BMERB1: variants seen among roughly 807,000 people sequenced by gnomAD.
The protein encoded by BMERB1 is bMERB domain containing 1, also known as bMERB domain-containing protein 1.
Under a neutral mutation model 23.6 loss-of-function variants are expected in BMERB1, and 12 were observed. The ratio of observed to expected loss-of-function variants is 0.51; its 90% CI spans 0.33 to 0.82. The LOEUF is 0.82. Ranked by LOEUF, BMERB1 falls within the 40% of genes least tolerant of loss-of-function variation. BMERB1 has a pLI of 0.03. For missense variants in BMERB1, 247 were observed against 255.4 expected (o/e 0.97, Z 0.22); for synonymous variants, 122 against 96.6 (o/e 1.26, Z -1.54).
At chr16:15,500,675 G>A (rs535188255) in intron 1 of BMERB1, among the ~76,000 whole-genome samples, 3 of 152,244 alleles carry the variant, frequency 2.0e-5, no homozygotes, top group South Asian at 4.1e-4. Context: ...GTTTTGAGAC[G>A]GAGTCTCACT....
At chr16:15,455,931 G>T (rs565406295) in intron 1 of BMERB1, among the ~76,000 whole-genome samples, 1 of 152,314 alleles carries the variant, frequency 6.6e-6, no homozygotes, top group South Asian at 2.1e-4. Flanking sequence ...TATTCTTAAT[G>T]ACAATTTGTG....
intron 3 of BMERB1, among the ~76,000 whole-genome samples, chr16:15,579,590 A>T (rs994800774): frequency 6.6e-6 from 1 of 152,196 alleles, no homozygotes; most frequent in African/African-American, 2.4e-5. Flanking sequence ...AAGGGATTTG[A>T]GCAGAAAGAG....
chr16:15,534,365 G>T (rs1241364871), intron 2 of BMERB1, among the ~76,000 whole-genome samples: 1 of 150,788 alleles, frequency 6.6e-6, no homozygotes, highest in African/African-American at 2.4e-5. Context: ...CACTTTGGGA[G>T]GCCAAGGCGA....
chr16:15,484,727 G>A (rs1002596828), intron 1 of BMERB1, among the ~76,000 whole-genome samples: 1 of 152,142 alleles, frequency 6.6e-6, no homozygotes, highest in African/African-American at 2.4e-5. Flanking sequence ...AAAAAAAGAA[G>A]GCGAAATTCA....
Position 15,580,497 on chromosome 16 carries a change from G to A in BMERB1, c.305-720G>A, listed in dbSNP as rs148166909. On this transcript the variant is annotated intron_variant, in intron 3 of 5. Transcript: ENST00000300006. ...TTGCTTCTCCAAGTTCATCCAGAGGGTGGAAGGGCAGAGTCAGGTCTCCAA... is the reference window on the plus strand; with the variant it reads ...TTGCTTCTCCAAGTTCATCCAGAGGATGGAAGGGCAGAGTCAGGTCTCCAA... Among the ~76,000 whole-genome samples the A allele has an allele frequency of 7.7e-4, 117 of 151,852 alleles. No homozygotes were observed. The East Asian group carries it at 0.018, about 24-fold the overall frequency.
chr16:15,524,403 CCCT>C (rs1367405102), intron 2 of BMERB1, among the ~76,000 whole-genome samples: 1 of 152,092 alleles, frequency 6.6e-6, no homozygotes, highest in African/African-American at 2.4e-5. Flanking sequence ...AATGGAAGGA[CCCT>C]CCTCCTGAAT....
chr16:15,563,629 C>G (rs966930629), intron 2 of BMERB1, among the ~76,000 whole-genome samples: 2 of 152,102 alleles, frequency 1.3e-5, no homozygotes, highest in Non-Finnish European at 2.9e-5. Context: ...CTGGGGAGGC[C>G]TCAGGAAACT....
chr16:15,453,652 A>T (rs897201511), intron 1 of BMERB1, among the ~76,000 whole-genome samples: 2 of 152,032 alleles, frequency 1.3e-5, no homozygotes, highest in African/African-American at 2.4e-5. Flanking sequence ...CGGGCAGATC[A>T]CTTGAGGTCA....
At chr16:15,498,023 C>G (rs1448093285) in intron 1 of BMERB1, among the ~76,000 whole-genome samples, 2 of 152,166 alleles carry the variant, frequency 1.3e-5, no homozygotes, top group African/African-American at 2.4e-5. Flanking sequence ...AACCTCCATA[C>G]CAACCCTTGA....
At chr16:15,477,010 C>T (rs916236941) in intron 1 of BMERB1, among the ~76,000 whole-genome samples, 3 of 152,194 alleles carry the variant, frequency 2.0e-5, no homozygotes, top group Non-Finnish European at 4.4e-5. Flanking sequence ...TCTATAATCT[C>T]AGCATTTTGA....
chr16:15,511,644 G>A (rs374017423), intron 1 of BMERB1, among the ~76,000 whole-genome samples: 4 of 152,134 alleles, frequency 2.6e-5, no homozygotes, highest in Non-Finnish European at 5.9e-5. Flanking sequence ...ATGACTGACA[G>A]GTCAAATATT....
At chr16:15,472,977 A>G (rs1408236782) in intron 1 of BMERB1, among the ~76,000 whole-genome samples, 1 of 150,296 alleles carries the variant, frequency 6.7e-6, no homozygotes, top group Non-Finnish European at 1.5e-5. Context: ...CTCATGCCTC[A>G]GCCTCCCAAG....
chr16:15,455,525 A>G (rs1439418004), intron 1 of BMERB1, among the ~76,000 whole-genome samples: 1 of 151,712 alleles, frequency 6.6e-6, no homozygotes, highest in African/African-American at 2.4e-5. Flanking sequence ...CAGTGGCATG[A>G]TCTTGGCTCA....
intron 2 of BMERB1, among the ~76,000 whole-genome samples, chr16:15,540,418 C>G (rs911304478): frequency 2.0e-5 from 3 of 151,826 alleles, no homozygotes; most frequent in Non-Finnish European, 2.9e-5. Context: ...CCAAGCTACT[C>G]AGGAGGCTGA....
intron 1 of BMERB1, among the ~76,000 whole-genome samples, chr16:15,496,206 G>T (rs776344644): frequency 2.0e-5 from 3 of 152,094 alleles, no homozygotes; most frequent in Non-Finnish European, 4.4e-5. Context: ...AGTGATAGTG[G>T]TGATGGTGAT....
chr16:15,438,689 GCCTCAAGTGATCTGC>G (rs1477291559), intron 1 of BMERB1, among the ~76,000 whole-genome samples: 1 of 152,104 alleles, frequency 6.6e-6, no homozygotes, highest in Non-Finnish European at 1.5e-5. Flanking sequence ...CGAACTCCTG[GCCTCAAGTGATCTGC>G]CCTCCTTGGC....
intron 2 of BMERB1, among the ~76,000 whole-genome samples, chr16:15,545,310 C>G (rs2052123442): frequency 6.6e-6 from 1 of 152,120 alleles, no homozygotes; most frequent in South Asian, 2.1e-4. Context: ...CACCCTCTTA[C>G]TGATATCTGC....
At chr16:15,517,750 TTGTGTGGATGTGTGTGGATG>T (rs140653374) in intron 2 of BMERB1, among the ~76,000 whole-genome samples, 1 of 151,326 alleles carries the variant, frequency 6.6e-6, no homozygotes. Context: ...GTGTGGATAT[TTGTGTGGATGTGTGTGGATG>T]TGTGTGGATG....
chr16:15,566,470 A>C (rs551680573), intron 2 of BMERB1, among the ~76,000 whole-genome samples: 90 of 152,298 alleles, frequency 5.9e-4, no homozygotes, highest in African/African-American at 2.0e-3. Flanking sequence ...TGAATAGGGG[A>C]ATAGTTAAAT....
Sources: allele counts gnomAD v4.1 joint callset (sites outside exome capture counted in the v4.1 genomes callset), GRCh38; gene constraint gnomAD v4.1.1; transcripts MANE v1.5; gene names NCBI Gene and HGNC (gene_info 2026-07-23, HGNC 2026-07-21).